Variants in MYOF observed in about 807,000 individuals in gnomAD.
MYOF encodes the protein fer-1-like 3, myoferlin.
In MYOF, 244 loss-of-function variants were observed where a neutral mutation model predicts 284.2. The observed-to-expected ratio is 0.86, with a 90% CI of 0.77 to 0.95. MYOF has a LOEUF of 0.95. Among genes scored for constraint, MYOF ranks in the 40% least tolerant of loss-of-function variants. The pLI is 0.00. For missense variants in MYOF, 2,496 were observed against 2,560.6 expected (o/e 0.97, Z 0.54); for synonymous variants, 904 against 919.7 (o/e 0.98, Z 0.31).
Position 93,361,531 on chromosome 10 carries a change from G to A in MYOF, c.2895C>T (p.Ser965=), listed in dbSNP as rs116994405. Residue 965 remains serine (S), a synonymous_variant, in exon 28 of 54, where the codon AGC becomes AGT. Transcript: ENST00000359263. ...CCCAACCTGGAGGACAAGTCAACTC[G>A]CTGGGTGATGCTGCTTTATCGCCGT... ...DANGDKAASP[S]ELTCPPGWEW... 756 of 1,614,154 alleles carry A rather than the reference G, an allele frequency of 4.7e-4. 5 individuals are homozygous for A. The East Asian group carries it at 0.013, about 29-fold the overall frequency.
chr10:93,355,552 C>T, intron 31 of MYOF, 76 bp downstream of exon 31: 2 of 1,203,244 alleles, frequency 1.7e-6, no homozygotes, highest in Non-Finnish European at 2.3e-6. Flanking sequence ...TGCACTCCAG[C>T]CTGGGTGATA....
intron 41 of MYOF, among the ~76,000 whole-genome samples, 158 bp from the exon 42 acceptor site, chr10:93,334,071 G>A (rs1354139726): frequency 6.6e-6 from 1 of 152,316 alleles, no homozygotes; most frequent in Admixed American, 6.5e-5. Context: ...ATTTCCAGTA[G>A]GGAAAGTGAA....
rs2133794562 is a variant in MYOF at position 93,328,745 on chromosome 10, C to T, written c.5131+18G>A. 1 of 1,602,224 alleles carries T rather than the reference C, an allele frequency of 6.2e-7. No homozygotes were observed. Among genetic ancestry groups the T allele is most frequent in the South Asian group, 1.1e-5 (1 of 90,416 alleles). ...ACTATACTTTGTACCAGTTTACAAT[C>T]CACAGCTAGGTGCTCACCAAATTCA... On this transcript the variant is annotated intron_variant, in intron 45 of 53. Coordinates refer to ENST00000359263, the MANE Select transcript of MYOF (RefSeq NM_013451.4).
rs752782245 is a variant in MYOF, at chr10:93,340,149, T to A, written c.4338+4A>T. ...AAATGTAGCAAAATGTATACCATAG[T>A]TACCTTTTCTGTCAGCTGCTCGTGC... On this transcript the variant is annotated splice_donor_region_variant and intron_variant, in intron 39 of 53. Coordinates refer to ENST00000359263, the MANE Select transcript of MYOF (RefSeq NM_013451.4). The A allele has an allele frequency of 6.2e-7, 1 of 1,613,928 alleles. No individual in the cohort carries two copies. The highest frequency in any genetic ancestry group is 1.1e-5 in the South Asian group (1 of 91,062).
Position 93,351,726 on chromosome 10 carries a change from G to T in MYOF, c.3602C>A (p.Pro1201His), listed in dbSNP as rs755804204. ...IFDEVEIYGE[P>H]QTVLQNPPKV... ...GGGTGGATTCTGTAGAACTGTTTGG[G>T]GTTCCCCATAGATTTCAACTTCATC... The change falls in exon 33 of 54, where the codon CCC (proline) becomes CAC (histidine). Residue 1201 changes from proline (P) to histidine (H), a missense_variant. Around this residue, in one of 3 missense-constraint regions of MYOF, gnomAD observed 2,436 missense variants for 2,480.7 expected, o/e 0.98. Coordinates refer to ENST00000359263, the MANE Select transcript of MYOF (RefSeq NM_013451.4). 5 of 1,599,214 alleles carry T rather than the reference G, an allele frequency of 3.1e-6. No individual in the cohort carries two copies. Among genetic ancestry groups the T allele is most frequent in the Non-Finnish European group, 4.3e-6 (5 of 1,176,096 alleles).
chr10:93,456,896 G>A lies in MYOF; in HGVS notation c.130C>T (p.Pro44Ser). ...KTKKVDNELN[P>S]VWNEILEFDL... is the part of the protein sequence containing the mutation. Reference sequence around the variant, plus strand: ...AATGAAGTCACCTCATTCCAGACAGGGTTCAATTCATTATCAACTTTCTTT... The same window carrying A: ...AATGAAGTCACCTCATTCCAGACAGAGTTCAATTCATTATCAACTTTCTTT... The change falls in exon 2 of 54, where the codon CCT becomes TCT. Residue 44 changes from proline to serine, a missense_variant. By Grantham distance (74) the Pro-to-Ser change is moderately conservative. Around this residue, in one of 3 missense-constraint regions of MYOF, gnomAD observed 57 missense variants for 62.4 expected, o/e 0.91. Transcript: ENST00000359263. 2 of 1,607,270 alleles carry A rather than the reference G, an allele frequency of 1.2e-6. No individual in the cohort carries two copies. The highest frequency in any genetic ancestry group is 1.1e-5 in the South Asian group (1 of 89,994).
chr10:93,325,846 AG>A lies in MYOF; in HGVS notation c.5250del (p.Phe1751SerfsTer42). ...EHVETRTLHS[T>X]FQPNISQGKL... ...TTTACCTGGGAAATGTTGGGCTGGA[AG>A]GTGCTGTGCAAAGTCCTTGTTTCCA... On this transcript the variant is annotated frameshift_variant, in exon 46 of 54. Coordinates refer to ENST00000359263, the MANE Select transcript of MYOF (RefSeq NM_013451.4). LOFTEE classifies it high-confidence loss of function. 1 of 1,613,702 alleles carries A rather than the reference AG, an allele frequency of 6.2e-7. No homozygotes were observed. The highest frequency in any genetic ancestry group is 1.1e-5 in the South Asian group (1 of 90,952).
chr10:93,425,226 C>T (rs1848529946), intron 5 of MYOF, among the ~76,000 whole-genome samples: 4 of 151,976 alleles, frequency 2.6e-5, no homozygotes, highest in South Asian at 2.1e-4. Flanking sequence ...CAGGCATGAG[C>T]CACCACGCCC....
In MYOF at chr10:93,347,739, T is replaced by C. The variant is rs563290203; in HGVS notation, c.4127A>G (p.Lys1376Arg). ...EELYMPPLVI[K>R]VIDHRQFGRK... ...CCCAAACTGCCTGTGGTCGATGACC[T>C]TGATCACCAGTGGGGGCATGTACAA... The change falls in exon 37 of 54, where the codon AAG becomes AGG. Residue 1376 changes from lysine to arginine, a missense_variant. By Grantham distance (26) the Lys-to-Arg change is conservative. This residue lies in a region of MYOF where 2,436 missense variants were observed against 2,480.7 expected (regional missense o/e 0.98). Coordinates refer to ENST00000359263, the MANE Select transcript of MYOF (RefSeq NM_013451.4). The C allele has an allele frequency of 5.6e-6, 9 of 1,614,100 alleles. No individual in the cohort carries two copies. In the South Asian group the frequency reaches 8.8e-5, roughly 16 times the overall value.
intron 2 of MYOF, among the ~76,000 whole-genome samples, chr10:93,454,912 G>A (rs1248899989): frequency 1.3e-5 from 2 of 149,958 alleles, no homozygotes; most frequent in Non-Finnish European, 3.0e-5. Flanking sequence ...CTGGGAGATC[G>A]AGGCTGTAGT....
intron 25 of MYOF, among the ~76,000 whole-genome samples, chr10:93,369,104 A>C (rs1845457058): frequency 9.3e-6 from 1 of 107,710 alleles, no homozygotes; most frequent in East Asian, 3.4e-4. Context: ...AGAAGTATTC[A>C]GACAGCTTTT....
intron 23 of MYOF, among the ~76,000 whole-genome samples, chr10:93,374,350 A>C (rs967568665): frequency 9.9e-5 from 15 of 152,182 alleles, no homozygotes; most frequent in Non-Finnish European, 2.2e-4. Flanking sequence ...CATTTTACAG[A>C]TGGGGAAACT....
intron 1 of MYOF, among the ~76,000 whole-genome samples, chr10:93,464,209 T>C (rs1208943128): frequency 6.6e-6 from 1 of 152,248 alleles, no homozygotes; most frequent in East Asian, 1.9e-4. Flanking sequence ...GCCTGAGTTT[T>C]CTAAGCTGTG....
chr10:93,363,767 A>G (rs562316953), intron 27 of MYOF, among the ~76,000 whole-genome samples, 194 bp downstream of exon 27: 7 of 152,376 alleles, frequency 4.6e-5, no homozygotes, highest in African/African-American at 1.7e-4. Context: ...ATCGAGTTAA[A>G]TAGGCCTCAT....
intron 24 of MYOF, among the ~76,000 whole-genome samples, chr10:93,369,996 C>T (rs1845511684): frequency 6.6e-6 from 1 of 152,116 alleles, no homozygotes; most frequent in Non-Finnish European, 1.5e-5. Flanking sequence ...CCTGCCTGTC[C>T]CTGAGACCTT....
At chr10:93,416,364 TA>T (rs1052178742) in intron 5 of MYOF, among the ~76,000 whole-genome samples, 16 of 150,730 alleles carry the variant, frequency 1.1e-4, no homozygotes, top group African/African-American at 3.7e-4. Flanking sequence ...AAATAAAATT[TA>T]AAAAAAAAAT....
At chr10:93,378,693 G>GTGTATATATATATATATATATA in intron 21 of MYOF, among the ~76,000 whole-genome samples, 8 of 87,894 alleles carry the variant, frequency 9.1e-5, no homozygotes, top group African/African-American at 2.4e-4. Context: ...GTGTGTGTGT[G>GTGTATATATATATATATATATA]TATATATATA....
chr10:93,463,394 A>AATTTTTT lies in MYOF; in HGVS notation c.89-6458_89-6457insAAAAAAT, dbSNP rs34592074. On this transcript the variant is annotated intron_variant, in intron 1 of 53. Coordinates refer to ENST00000359263, the MANE Select transcript of MYOF (RefSeq NM_013451.4). ...ACATAGTGAGACTTCGTCTCTACAAATTTTTTTTTTTTTTTTTTTTTTTGA... is the reference window on the plus strand; with the variant it reads ...ACATAGTGAGACTTCGTCTCTACAAAATTTTTTTTTTTTTTTTTTTTTTTTTTTTTGA... Among the ~76,000 whole-genome samples, 125 of 78,886 alleles carry AATTTTTT rather than the reference A, an allele frequency of 1.6e-3. 2 individuals are homozygous for AATTTTTT. Among genetic ancestry groups the AATTTTTT allele is most frequent in the Non-Finnish European group, 2.0e-3 (89 of 43,448 alleles). The allele number at this position is 78,886 out of a possible 152,430, so 51.8% of individuals were successfully genotyped here. A position where few individuals can be genotyped will look rare whatever the true frequency, so the allele number is the denominator to read the frequency against.
At chr10:93,340,221 A>C in intron 38 of MYOF, 57 bp from the exon 39 acceptor site, 1 of 1,588,810 alleles carries the variant, frequency 6.3e-7, no homozygotes, top group East Asian at 2.2e-5. Flanking sequence ...GGTCACATAG[A>C]TATGGAGACC....
Sources: gnomAD v4.1 joint callset for allele counts (sites outside exome capture counted in the v4.1 genomes callset) on GRCh38, gnomAD v4.1.1 for gene constraint, gnomAD v4.1.1 regional missense constraint, MANE v1.5 for transcripts, NCBI Gene and HGNC (gene_info 2026-07-23, HGNC 2026-07-21) for gene names.